Variants in ATP10D observed in about 807,000 individuals in gnomAD.
The protein encoded by ATP10D is ATPase phospholipid transporting 10D (putative).
In ATP10D, 89 loss-of-function variants were observed where a neutral mutation model predicts 144.8. The observed-to-expected ratio is 0.61, with a 90% CI of 0.52 to 0.73. The LOEUF (loss-of-function observed/expected upper bound fraction) is 0.73, where lower values mean the gene tolerates loss of function less well. Among genes scored for constraint, ATP10D ranks in the 30% least tolerant of loss-of-function variants. The pLI, the probability that ATP10D is intolerant of heterozygous loss-of-function variation, is 0.00. For synonymous variants in ATP10D, 571 were observed against 615.1 expected (o/e 0.93, Z 1.06); for missense variants, 1,603 against 1,714.8 (o/e 0.93, Z 1.15).
chr4:47,519,281 G>A (rs999581382), intron 3 of ATP10D, among the ~76,000 whole-genome samples: 1 of 152,130 alleles, frequency 6.6e-6, no homozygotes, highest in African/African-American at 2.4e-5. Context: ...CGTTCAGTGT[G>A]TATTAGTTCC....
chr4:47,557,523 C>A, intron 11 of ATP10D, 141 bp from the exon 12 acceptor site: 1 of 694,114 alleles, frequency 1.4e-6, no homozygotes, highest in Non-Finnish European at 2.1e-6. Flanking sequence ...TTTTCCATGG[C>A]GGTCGTAAAT....
rs185534942 is a variant in ATP10D at position 47,577,938 on chromosome 4, G to A, written c.3567+965G>A. Among the ~76,000 whole-genome samples the A allele has an allele frequency of 5.9e-5, 9 of 152,270 alleles. No homozygotes were observed. The East Asian group carries it at 1.2e-3, about 20-fold the overall frequency. ...ATAATTGAAATTCCAAATCCACTTC[G>A]GAAAGGAGGGTTGAGGGAGATTTTC... On this transcript the variant is annotated intron_variant, in intron 19 of 22. Transcript: ENST00000273859.
rs560749725 is a variant in ATP10D, at chr4:47,489,469, G to A, written c.-38+3950G>A. Among the ~76,000 whole-genome samples, 4 of 152,198 alleles carry A rather than the reference G, an allele frequency of 2.6e-5. 1 individual carries two copies. The South Asian group carries it at 8.3e-4, about 32-fold the overall frequency. ...AGATTAATAGTATTTATATTTGGGT[G>A]GTAGGATTATAGTTGATTTGTATTT... On this transcript the variant is annotated intron_variant, in intron 1 of 22. Transcript: ENST00000273859.
intron 21 of ATP10D, chr4:47,582,810 C>G (rs1012011384): frequency 3.3e-5 from 5 of 152,178 alleles, no homozygotes; most frequent in Non-Finnish European, 5.9e-5. Context: ...TTCTCTTGCT[C>G]TTACTCATAA....
At position 47,559,979 on chromosome 4, in the gene ATP10D, G is replaced by A. The variant is rs942559489; in HGVS notation, c.2541+950G>A. On this transcript the variant is annotated intron_variant, in intron 13 of 22. Transcript: ENST00000273859. ...TGCGCCACTGCACTCCAGCCTGGACGACAGAGCAAAACTCCATCTCAAAAC... is the reference window on the plus strand; with the variant it reads ...TGCGCCACTGCACTCCAGCCTGGACAACAGAGCAAAACTCCATCTCAAAAC... Among the ~76,000 whole-genome samples, 77 of 151,640 alleles carry A rather than the reference G, an allele frequency of 5.1e-4. 1 individual carries two copies. The highest frequency in any genetic ancestry group is 1.5e-3 in the African/African-American group (64 of 41,310).
chr4:47,526,079 T>C (rs1431981858), intron 5 of ATP10D, among the ~76,000 whole-genome samples: 2 of 152,216 alleles, frequency 1.3e-5, no homozygotes, highest in African/African-American at 4.8e-5. Flanking sequence ...CTGATACTAT[T>C]ACCTTGATAC....
At chr4:47,541,518 G>A (rs1462490978) in intron 9 of ATP10D, among the ~76,000 whole-genome samples, 1 of 152,166 alleles carries the variant, frequency 6.6e-6, no homozygotes, top group Non-Finnish European at 1.5e-5. Context: ...AGGATATATG[G>A]GTGATACAGT....
chr4:47,515,349 G>A, intron 2 of ATP10D, 127 bp from the exon 3 acceptor site: 1 of 681,858 alleles, frequency 1.5e-6, no homozygotes, highest in Non-Finnish European at 2.5e-6. Context: ...TATTCTGCTA[G>A]TTCTATATTC....
At chr4:47,519,222 C>T (rs917011212) in intron 3 of ATP10D, among the ~76,000 whole-genome samples, 1 of 152,228 alleles carries the variant, frequency 6.6e-6, no homozygotes, top group African/African-American at 2.4e-5. Context: ...ATTCTTACTT[C>T]TCCCTTTTGT....
chr4:47,532,090 C>T (rs565546686), intron 5 of ATP10D, among the ~76,000 whole-genome samples: 54 of 152,302 alleles, frequency 3.5e-4, no homozygotes, highest in African/African-American at 1.3e-3. Context: ...TACCTCAGAA[C>T]TGTTTGCTCC....
intron 2 of ATP10D, 21 bp from the exon 3 acceptor site, chr4:47,515,455 C>T: frequency 1.3e-6 from 2 of 1,596,854 alleles, no homozygotes; most frequent in African/African-American, 1.3e-5. Flanking sequence ...TAACACCTCC[C>T]TTTGTGTGTT....
At chr4:47,501,662 A>G (rs1715687854) in intron 1 of ATP10D, among the ~76,000 whole-genome samples, 1 of 152,168 alleles carries the variant, frequency 6.6e-6, no homozygotes, top group Non-Finnish European at 1.5e-5. Context: ...AAGCTTAAGT[A>G]ACTACTTACT....
chr4:47,525,095 A>G (rs1188006192), intron 4 of ATP10D, among the ~76,000 whole-genome samples: 1 of 152,174 alleles, frequency 6.6e-6, no homozygotes, highest in African/African-American at 2.4e-5. Context: ...AGAAAATATT[A>G]TAGATATTGA....
At chr4:47,585,643 C>T (rs1300739100) in intron 21 of ATP10D, among the ~76,000 whole-genome samples, 2 of 152,142 alleles carry the variant, frequency 1.3e-5, no homozygotes, top group Admixed American at 1.3e-4. Flanking sequence ...CCTGATACCT[C>T]CACTACCCTT....
chr4:47,548,605 G>T (rs1196027030), intron 10 of ATP10D, among the ~76,000 whole-genome samples: 1 of 152,176 alleles, frequency 6.6e-6, no homozygotes, highest in Admixed American at 6.5e-5. Flanking sequence ...TACTTACCAG[G>T]CTGTCTTTTC....
chr4:47,521,450 G>C (rs1716940446), intron 3 of ATP10D, among the ~76,000 whole-genome samples: 1 of 152,026 alleles, frequency 6.6e-6, no homozygotes, highest in Admixed American at 6.6e-5. Context: ...ATGTATCTGT[G>C]TCGCTACTGC....
chr4:47,508,651 AG>A lies in ATP10D; in HGVS notation c.-37-3852del, dbSNP rs568727262. On this transcript the variant is annotated intron_variant, in intron 1 of 22. Transcript: ENST00000273859. ...ATGCAGGGTTGGAGTCAAGGTCCAT[AG>A]TAACCTCTGTTACCATATGAAGATG... Among the ~76,000 whole-genome samples, 58 of 152,382 alleles carry A rather than the reference AG, an allele frequency of 3.8e-4. No individual in the cohort carries two copies. The East Asian group carries it at 8.9e-3, about 23-fold the overall frequency.
chr4:47,508,525 C>A lies in ATP10D; in HGVS notation c.-37-3979C>A, dbSNP rs375188940. Among the ~76,000 whole-genome samples the A allele has an allele frequency of 8.5e-5, 13 of 152,186 alleles. 1 individual carries two copies. Among genetic ancestry groups the A allele is most frequent in the East Asian group, 7.7e-4 (4 of 5,190 alleles). On this transcript the variant is annotated intron_variant, in intron 1 of 22. Transcript: ENST00000273859. ...ACTGAGTAGCTACTAAGTAGTACAG[C>A]TAATATTTGAGCCTGGACTTACAGA...
chr4:47,542,603 T>A (rs565458935), intron 9 of ATP10D, among the ~76,000 whole-genome samples: 1 of 151,960 alleles, frequency 6.6e-6, no homozygotes, highest in Non-Finnish European at 1.5e-5. Flanking sequence ...TCAGCCTCCC[T>A]AGTAGCTGGG....
Sources: allele counts gnomAD v4.1 joint callset (sites outside exome capture counted in the v4.1 genomes callset), GRCh38; gene constraint gnomAD v4.1.1; transcripts MANE v1.5; gene names NCBI Gene and HGNC (gene_info 2026-07-23, HGNC 2026-07-21).